VWF: variants seen among roughly 807,000 people sequenced by gnomAD.
The protein encoded by VWF is von Willebrand factor, also known as Factor VIII related antigen.
A neutral mutation model predicts 308.6 loss-of-function variants in VWF; 176 were observed. The observed-to-expected ratio is 0.57, with a 90% CI of 0.50 to 0.65. The LOEUF (loss-of-function observed/expected upper bound fraction) is 0.65, where lower values mean the gene tolerates loss of function less well. VWF is among the 30% of genes least tolerant of loss of function. VWF has a pLI of 0.00. For missense variants in VWF, 3,146 were observed against 3,648.2 expected, an observed-to-expected ratio of 0.86 and a Z score of 3.55; for synonymous variants, 1,385 against 1,443.4, an observed-to-expected ratio of 0.96 and a Z score of 0.92.
At chr12:6,022,175 C>T (rs1343366839) in intron 26 of VWF, 140 bp from the exon 27 acceptor site, 35 of 1,197,658 alleles carry the variant, frequency 2.9e-5, no homozygotes, top group Non-Finnish European at 3.9e-5. Context: ...CAGGGGTCAC[C>T]CCATCACTCA....
Position 6,018,669 on chromosome 12 carries a change from C to T in VWF, c.4749G>A (p.Arg1583=). The part of the protein sequence containing the change: ...GNRTNTGLAL[R]YLSDHSFLVS... ...CCAAGAAGCTGTGGTCAGAGAGGTA[C>T]CGCAGGGCCAGCCCAGTGTTGGTCC... Residue 1583 remains arginine, a synonymous_variant, in exon 28 of 52, where the codon CGG becomes CGA. Transcript: ENST00000261405. 2 of 1,613,824 alleles carry T rather than the reference C, an allele frequency of 1.2e-6. No individual in the cohort carries two copies. Among genetic ancestry groups the T allele is most frequent in the East Asian group, 4.5e-5 (2 of 44,850 alleles).
Position 6,046,808 on chromosome 12 carries a change from C to T in VWF, c.2196G>A (p.Glu732=). 6.2e-7 allele frequency: 1 copy of T among 1,614,056 alleles called. No individual in the cohort carries two copies. Among genetic ancestry groups the T allele is most frequent in the South Asian group, 1.1e-5 (1 of 91,080 alleles). ...TCATGGTACAGTGCATGAAGCCATCCTCACAGTAGCTGCAGAGAAGAAAAT... is the reference window on the plus strand; with the variant it reads ...TCATGGTACAGTGCATGAAGCCATCTTCACAGTAGCTGCAGAGAAGAAAAT... ...FSDHHTMCYC[E]DGFMHCTMSG... The change falls in exon 17 of 52, where the codon GAG becomes GAA. Residue 732 remains glutamate, a synonymous_variant. Transcript: ENST00000261405. This position sits in a 1 kb window ranked among gnomAD's most constrained non-coding sequence, Gnocchi z 5.0.
rs1279247258 is a variant in VWF at position 6,011,625 on chromosome 12, G to T, written c.5834C>A (p.Thr1945Asn). The T allele has an allele frequency of 1.2e-6, 2 of 1,608,872 alleles. No individual in the cohort carries two copies. Among genetic ancestry groups the T allele is most frequent in the African/African-American group, 1.3e-5 (1 of 74,914 alleles). The change falls in exon 34 of 52, where the codon ACC (threonine) becomes AAC (asparagine). Residue 1945 changes from threonine to asparagine, a missense_variant. This residue lies in a region of VWF where 853 missense variants were observed against 1,177.8 expected (regional missense o/e 0.72). Transcript: ENST00000261405. The part of the protein sequence containing the change: ...KVEETCGCRW[T>N]CPCVCTGSST... The stretch of plus-strand genomic sequence containing the variant: ...AGAAGCAAAGGACTCACAGGGGCAG[G>T]TCCAGCGGCAGCCACAGGTCTCTTC...
chr12:6,086,326 A>G (rs1944971198), intron 6 of VWF, among the ~76,000 whole-genome samples: 1 of 152,134 alleles, frequency 6.6e-6, no homozygotes, highest in Non-Finnish European at 1.5e-5. Context: ...GGGGAAAGAC[A>G]CGTGTGTACT....
chr12:5,990,622 T>C (rs540120521), intron 38 of VWF, among the ~76,000 whole-genome samples: 1 of 152,098 alleles, frequency 6.6e-6, no homozygotes, highest in South Asian at 2.1e-4. Flanking sequence ...AAACACATTC[T>C]CCTTTCCTAG....
In VWF at chr12:6,063,155, T is replaced by A; in HGVS notation, c.1433-101A>T. On this transcript the variant is annotated intron_variant, in intron 12 of 51. Transcript: ENST00000261405. This position sits in a 1 kb window ranked among gnomAD's most constrained non-coding sequence, Gnocchi z 4.9. Reference sequence around the variant, plus strand: ...GAAATGGGGTGTCTCAAAAGGATGGTAGCACTGAAGAGCAATGACTTAGGG... The same window carrying A: ...GAAATGGGGTGTCTCAAAAGGATGGAAGCACTGAAGAGCAATGACTTAGGG... The A allele has an allele frequency of 1.0e-6, 1 of 973,338 alleles. No individual in the cohort carries two copies. The highest frequency in any genetic ancestry group is 1.6e-6 in the Non-Finnish European group (1 of 628,574). 60.3% of individuals were successfully genotyped at this position (973,338 alleles called of 1,614,324 possible).
Position 5,983,244 on chromosome 12 carries a change from T to C in VWF, c.6987A>G (p.Pro2329=), listed in dbSNP as rs1316968653. ...CCPEYECVCD[P]VSCDLPPVPH... is the part of the protein sequence containing the mutation. ...GCACTGGGGGCAGGTCACAGCTCAC[T>C]GGGTCACACACTGAGGGCCAGAAAG... The change falls in exon 41 of 52, where the codon CCA becomes CCG. Residue 2329 remains proline, a synonymous_variant. Coordinates refer to ENST00000261405, the MANE Select transcript of VWF (RefSeq NM_000552.5). The C allele has an allele frequency of 6.2e-7, 1 of 1,613,890 alleles. No individual in the cohort carries two copies. Among genetic ancestry groups the C allele is most frequent in the East Asian group, 2.2e-5 (1 of 44,898 alleles).
At chr12:5,964,149 G>A (rs552956787) in intron 47 of VWF, among the ~76,000 whole-genome samples, 11 of 149,720 alleles carry the variant, frequency 7.3e-5, no homozygotes, top group East Asian at 3.9e-4. Flanking sequence ...CCTGGGAGGC[G>A]GGGCTTGCAG....
At chr12:6,092,618 AGTGTGTGTGTGTGTGTGTGTGTGTGT>A (rs752209524) in intron 6 of VWF, among the ~76,000 whole-genome samples, 19 of 66,150 alleles carry the variant, frequency 2.9e-4, no homozygotes, top group Admixed American at 1.4e-3. Flanking sequence ...AGTGAGTGAG[AGTGTGTGTGTGTGTGTGTGTGTGTGT>A]GTGTGTGTGT....
chr12:5,968,402 C>T (rs1943430673), intron 45 of VWF, among the ~76,000 whole-genome samples: 1 of 152,182 alleles, frequency 6.6e-6, no homozygotes, highest in South Asian at 2.1e-4. Flanking sequence ...CTCCAAGTGA[C>T]AGCGCTTGCT....
chr12:6,104,381 A>C (rs1945216196), intron 5 of VWF, among the ~76,000 whole-genome samples: 1 of 151,262 alleles, frequency 6.6e-6, no homozygotes, highest in South Asian at 2.1e-4. Context: ...TTTTCAAAGA[A>C]CTTTAAAAAA....
At chr12:6,038,098 G>A (rs1237443015) in intron 18 of VWF, among the ~76,000 whole-genome samples, 1 of 152,166 alleles carries the variant, frequency 6.6e-6, no homozygotes, top group Non-Finnish European at 1.5e-5. Flanking sequence ...GGGAGGGAAT[G>A]AGCTTAAGCA....
rs554327701 is a variant in VWF, at chr12:6,079,579, T to C, written c.658-4028A>G. On this transcript the variant is annotated intron_variant, in intron 6 of 51. Coordinates refer to ENST00000261405, the MANE Select transcript of VWF (RefSeq NM_000552.5). ...GAGCTGAGATCGCACCACTGCACTC[T>C]AGCCTGGGCGACAGAGTGAGACTCT... Among the ~76,000 whole-genome samples, 645 of 150,286 alleles carry C rather than the reference T, an allele frequency of 4.3e-3. 3 individuals are homozygous for C. The highest frequency in any genetic ancestry group is 4.8e-3 in the African/African-American group (197 of 40,710).
chr12:6,106,871 G>A (rs1180799541), intron 5 of VWF, among the ~76,000 whole-genome samples: 9 of 73,988 alleles, frequency 1.2e-4, no homozygotes, highest in African/African-American at 4.0e-4. Context: ...GTGAAACTCC[G>A]ACTCAAAAAA....
chr12:6,066,485 T>C, intron 10 of VWF, among the ~76,000 whole-genome samples: 1 of 152,246 alleles, frequency 6.6e-6, no homozygotes, highest in Non-Finnish European at 1.5e-5. Context: ...GGTGCATGTG[T>C]GAGTTCCTTT....
At chr12:6,114,588 C>T (rs376362521) in intron 3 of VWF, among the ~76,000 whole-genome samples, 1 of 152,140 alleles carries the variant, frequency 6.6e-6, no homozygotes, top group East Asian at 1.9e-4. Context: ...GCTGGCCAGG[C>T]GGCAGACCCT....
chr12:5,964,274 G>GCATGCATACATA (rs1591833448), intron 47 of VWF, among the ~76,000 whole-genome samples: 23 of 134,696 alleles, frequency 1.7e-4, no homozygotes, highest in African/African-American at 6.2e-4. Context: ...ATACATACAT[G>GCATGCATACATA]CATACATACA....
In VWF at chr12:6,048,924, C is replaced by T. The variant is rs1944477266; in HGVS notation, c.2187-2107G>A. On this transcript the variant is annotated intron_variant, in intron 16 of 51. Coordinates refer to ENST00000261405, the MANE Select transcript of VWF (RefSeq NM_000552.5). ...TTTTAAGGGAGAAAATTCCACCCGC[C>T]CCCGTAAATGTCATGTTCAATCTGT... Among the ~76,000 whole-genome samples the T allele has an allele frequency of 2.0e-5, 3 of 152,182 alleles. No individual in the cohort carries two copies. In the South Asian group the frequency reaches 6.2e-4, roughly 32 times the overall value.
At chr12:6,097,851 A>G (rs1008118256) in intron 5 of VWF, among the ~76,000 whole-genome samples, 2 of 152,254 alleles carry the variant, frequency 1.3e-5, no homozygotes, top group Non-Finnish European at 2.9e-5. Flanking sequence ...GTCACTCCAT[A>G]TCACACAGGT....
Sources: allele counts gnomAD v4.1 joint callset (sites outside exome capture counted in the v4.1 genomes callset), GRCh38; gene constraint gnomAD v4.1.1; regional missense constraint gnomAD v4.1.1; non-coding constraint Gnocchi (gnomAD v3.1); transcripts MANE v1.5; gene names NCBI Gene and HGNC (gene_info 2026-07-23, HGNC 2026-07-21).